PTPRO: variants seen among roughly 807,000 people sequenced by gnomAD.
PTPRO encodes receptor-type tyrosine-protein phosphatase O.
A neutral mutation model predicts 145.2 loss-of-function variants in PTPRO; 62 were observed. The observed-to-expected ratio is 0.43, with a 90% CI of 0.35 to 0.53. The LOEUF is 0.53. Ranked by LOEUF, PTPRO falls within the 20% of genes least tolerant of loss-of-function variation. The probability of loss-of-function intolerance (pLI) is 0.01; values close to 1 mark genes in which losing one functional copy is unlikely to be tolerated. For missense variants in PTPRO, 1,345 were observed against 1,482.7 expected (o/e 0.91, Z 1.53); for synonymous variants, 565 against 514.7 (o/e 1.10, Z -1.32).
At chr12:15,522,727 T>C (rs537605173) in intron 10 of PTPRO, among the ~76,000 whole-genome samples, 2 of 152,168 alleles carry the variant, frequency 1.3e-5, no homozygotes, top group African/African-American at 2.4e-5. Context: ...TAGCCCTCAA[T>C]CATAGTAATT....
intron 1 of PTPRO, among the ~76,000 whole-genome samples, chr12:15,461,413 G>A (rs1941298635): frequency 6.6e-6 from 1 of 152,080 alleles, no homozygotes; most frequent in Middle Eastern, 3.2e-3. Flanking sequence ...TGTGCTCAGT[G>A]TCTGCCAAGG....
chr12:15,583,910 CCGTATGACTCTAACAGGCTGTGTTT>C (rs1005103588), intron 23 of PTPRO, among the ~76,000 whole-genome samples: 1 of 152,132 alleles, frequency 6.6e-6, no homozygotes, highest in African/African-American at 2.4e-5. Flanking sequence ...AGGCAAATCC[CCGTATGACTCTAACAGGCTGTGTTT>C]CGTGTTGTTT....
chr12:15,441,725 C>T (rs1940771476), intron 1 of PTPRO, among the ~76,000 whole-genome samples: 1 of 152,078 alleles, frequency 6.6e-6, no homozygotes, highest in South Asian at 2.1e-4. Context: ...TTATGAACCT[C>T]TCTACACACA....
intron 25 of PTPRO, among the ~76,000 whole-genome samples, chr12:15,590,784 A>G (rs1944534889): frequency 1.3e-5 from 2 of 152,186 alleles, no homozygotes; most frequent in South Asian, 4.1e-4. Context: ...CTTGGTTTCA[A>G]TCATGCTGCC....
chr12:15,329,453 C>T (rs1591705747), intron 1 of PTPRO, among the ~76,000 whole-genome samples: 1 of 152,286 alleles, frequency 6.6e-6, no homozygotes, highest in East Asian at 1.9e-4. Context: ...CTTTTGGATC[C>T]TGGCATTAAT....
intron 1 of PTPRO, among the ~76,000 whole-genome samples, chr12:15,394,579 T>A (rs1939284455): frequency 6.6e-6 from 1 of 152,224 alleles, no homozygotes; most frequent in Non-Finnish European, 1.5e-5. Context: ...ATGAGGGGAC[T>A]AATAACTTAT....
intron 1 of PTPRO, among the ~76,000 whole-genome samples, chr12:15,403,547 C>A (rs182311307): frequency 6.6e-6 from 1 of 152,192 alleles, no homozygotes; most frequent in African/African-American, 2.4e-5. Context: ...GGCGCCACTG[C>A]ACTCCAGCCT....
chr12:15,475,561 A>G (rs778594030), intron 1 of PTPRO, among the ~76,000 whole-genome samples: 2 of 152,232 alleles, frequency 1.3e-5, no homozygotes, highest in Non-Finnish European at 2.9e-5. Context: ...AGATACAAAA[A>G]TTCTGAGATT....
chr12:15,358,523 C>T (rs1020611691), intron 1 of PTPRO, among the ~76,000 whole-genome samples: 1 of 152,170 alleles, frequency 6.6e-6, no homozygotes, highest in Non-Finnish European at 1.5e-5. Flanking sequence ...TCAACCACGA[C>T]CTGATATTCT....
chr12:15,446,754 G>T (rs1009113896), intron 1 of PTPRO, among the ~76,000 whole-genome samples: 3 of 150,982 alleles, frequency 2.0e-5, no homozygotes, highest in East Asian at 3.9e-4. Context: ...AGTAGGAAAA[G>T]ATATTAATTT....
At chr12:15,384,546 T>A (rs1451882741) in intron 1 of PTPRO, among the ~76,000 whole-genome samples, 1 of 152,318 alleles carries the variant, frequency 6.6e-6, no homozygotes, top group Non-Finnish European at 1.5e-5. Flanking sequence ...CTTCTCTCTC[T>A]CTTCCTTTTC....
chr12:15,403,577 C>T (rs987664842), intron 1 of PTPRO, among the ~76,000 whole-genome samples: 2 of 152,086 alleles, frequency 1.3e-5, no homozygotes, highest in East Asian at 1.9e-4. Context: ...AGCGAGACTC[C>T]GTCTCAAAAA....
At chr12:15,554,054 C>A (rs184388238) in intron 15 of PTPRO, among the ~76,000 whole-genome samples, 1 of 152,068 alleles carries the variant, frequency 6.6e-6, no homozygotes, top group East Asian at 1.9e-4. Context: ...ATTAGCTGGG[C>A]GTGGTGGCAC....
chr12:15,433,857 A>G (rs1486441090), intron 1 of PTPRO, among the ~76,000 whole-genome samples: 1 of 152,128 alleles, frequency 6.6e-6, no homozygotes, highest in African/African-American at 2.4e-5. Flanking sequence ...TTTATTCTAT[A>G]TGAATTTTAA....
chr12:15,574,086 C>A (rs544720834), intron 19 of PTPRO, among the ~76,000 whole-genome samples: 1 of 152,174 alleles, frequency 6.6e-6, no homozygotes. Context: ...TGAGAAATCA[C>A]ATCATTTATA....
intron 1 of PTPRO, among the ~76,000 whole-genome samples, chr12:15,479,702 T>C (rs1227565028): frequency 3.0e-4 from 46 of 152,222 alleles, no homozygotes; most frequent in Non-Finnish European, 1.2e-4. Context: ...TACAAGACAG[T>C]AGCAGAATAC....
At position 15,524,794 on chromosome 12, in the gene PTPRO, G is replaced by C; in HGVS notation, c.1892-20G>C. The C allele has an allele frequency of 6.2e-7, 1 of 1,604,118 alleles. No homozygotes were observed. Among genetic ancestry groups the C allele is most frequent in the Non-Finnish European group, 8.5e-7 (1 of 1,171,116 alleles). ...TTATCCATCTATTATACTAAATTGT[G>C]CCTCGTTTCTCCCTTGTAGCCCCAG... is the stretch of plus-strand genomic sequence containing the variant. On this transcript the variant is annotated intron_variant, in intron 10 of 26. Transcript: ENST00000281171.
At chr12:15,412,597 T>G (rs940950499) in intron 1 of PTPRO, among the ~76,000 whole-genome samples, 3 of 152,260 alleles carry the variant, frequency 2.0e-5, no homozygotes, top group African/African-American at 7.2e-5. Context: ...TAGTAATTGT[T>G]CTGGATAACA....
intron 12 of PTPRO, among the ~76,000 whole-genome samples, chr12:15,528,687 CCAAA>C (rs1210282416): frequency 3.3e-5 from 5 of 151,852 alleles, no homozygotes; most frequent in Non-Finnish European, 7.4e-5. Context: ...TCTGAGAATA[CCAAA>C]CAGATACCAC....
Sources: gnomAD v4.1 joint callset for allele counts (sites outside exome capture counted in the v4.1 genomes callset) on GRCh38, gnomAD v4.1.1 for gene constraint, MANE v1.5 for transcripts, NCBI Gene and HGNC (gene_info 2026-07-23, HGNC 2026-07-21) for gene names.